Variants in PRRT3 observed in about 807,000 individuals in gnomAD.
PRRT3 encodes the protein proline rich transmembrane protein 3.
PRRT3 carries 48 observed loss-of-function variants against 56.6 expected under a neutral mutation model. The ratio of observed to expected loss-of-function variants is 0.85; its 90% confidence interval spans 0.67 to 1.08. PRRT3 has a LOEUF of 1.08. Ranked by LOEUF, PRRT3 falls within the 50% of genes least tolerant of loss-of-function variation. The pLI is 0.00. For synonymous variants in PRRT3, 641 were observed against 619.1 expected (o/e 1.04, Z -0.52); for missense variants, 1,370 against 1,353.1 (o/e 1.01, Z -0.20).
At position 9,946,678 on chromosome 3, in the gene PRRT3, T is replaced by C; in HGVS notation, c.2495A>G (p.Gln832Arg). 4 of 1,426,052 alleles carry C rather than the reference T, an allele frequency of 2.8e-6. No homozygotes were observed. The highest frequency in any genetic ancestry group is 1.5e-5 in the South Asian group (1 of 66,372). The allele number at this position is 1,426,052 out of a possible 1,614,324, so 88.3% of individuals were successfully genotyped here. ...REHLVRDSVF[Q>R]RCGLRGLASP... ...GGCCAGGCCGCGGAGGCCGCAGCGCTGGAACACACTGTCTCGCACTAGGTG... is the reference window on the plus strand; with the variant it reads ...GGCCAGGCCGCGGAGGCCGCAGCGCCGGAACACACTGTCTCGCACTAGGTG... Residue 832 changes from glutamine to arginine, a missense_variant, in exon 4 of 4, where the codon CAG (glutamine) becomes CGG (arginine). Transcript: ENST00000412055. This position sits in a 1 kb window ranked among gnomAD's most constrained non-coding sequence, Gnocchi z 4.1.
In PRRT3 at chr3:9,947,833, G is replaced by T; in HGVS notation, c.1340C>A (p.Ser447Tyr). ...TASSMASAPA[S>Y]SPPANATAPP... ...TGCAGTGGCGTTGGCTGGGGGGCTG[G>T]AGGCTGGGGCTGAAGCCATGGAGCT... The change falls in exon 4 of 4, where the codon TCC becomes TAC. Residue 447 changes from serine (S) to tyrosine (Y), a missense_variant. Physicochemically the swap from Ser to Tyr is moderately radical, Grantham distance 144 (BLOSUM62 -2). Coordinates refer to ENST00000412055, the MANE Select transcript of PRRT3 (RefSeq NM_207351.5). The surrounding 1 kb of genome is among the most constrained non-coding windows in gnomAD (Gnocchi z 9.2). The T allele has an allele frequency of 2.1e-6, 3 of 1,439,414 alleles. No homozygotes were observed. The highest frequency in any genetic ancestry group is 2.7e-6 in the Non-Finnish European group (3 of 1,095,890). The allele number at this position is 1,439,414 out of a possible 1,614,324, so 89.2% of individuals were successfully genotyped here.
In PRRT3 at chr3:9,947,547, G is replaced by C. The variant is rs764963753; in HGVS notation, c.1626C>G (p.Asn542Lys). 2 of 1,610,916 alleles carry C rather than the reference G, an allele frequency of 1.2e-6. No homozygotes were observed. The highest frequency in any genetic ancestry group is 1.7e-6 in the Non-Finnish European group (2 of 1,179,148). The change falls in exon 4 of 4, where the codon AAC becomes AAG. Residue 542 changes from asparagine to lysine, a missense_variant. By Grantham distance (94) the Asn-to-Lys change is moderately conservative. Transcript: ENST00000412055. This position sits in a 1 kb window ranked among gnomAD's most constrained non-coding sequence, Gnocchi z 9.2. The stretch of plus-strand genomic sequence containing the variant: ...CCGTAAGCAGCAAGGGGAAGGGCAG[G>C]TTGTAGAGCACCAGGCCCCCGCGAA... ...LGVRGGLVLY[N>K]LPFPLLLTAL... is the part of the protein sequence containing the mutation.
intron 1 of PRRT3, among the ~76,000 whole-genome samples, chr3:9,951,243 C>T (rs998809487): frequency 2.0e-5 from 3 of 152,168 alleles, no homozygotes; most frequent in African/African-American, 4.8e-5. Context: ...CAGGAAGGGG[C>T]CCCACCACCA....
In PRRT3 at chr3:9,946,722, G is replaced by A; in HGVS notation, c.2451C>T (p.Asp817=). The A allele has an allele frequency of 1.3e-6, 2 of 1,492,660 alleles. No individual in the cohort carries two copies. Among genetic ancestry groups the A allele is most frequent in the South Asian group, 1.3e-5 (1 of 74,332 alleles). The allele number at this position is 1,492,660 out of a possible 1,614,324, so 92.5% of individuals were successfully genotyped here. Residue 817 remains aspartate (D), a synonymous_variant, in exon 4 of 4, where the codon GAC becomes GAT. Coordinates refer to ENST00000412055, the MANE Select transcript of PRRT3 (RefSeq NM_207351.5). This position sits in a 1 kb window ranked among gnomAD's most constrained non-coding sequence, Gnocchi z 4.1. The part of the protein sequence containing the change: ...PSPINLSRSI[D]AALFREHLVR... ...CTAGGTGCTCGCGGAAGAGCGCGGCGTCGATGCTGCGGCTCAGGTTGATGG... is the reference window on the plus strand; with the variant it reads ...CTAGGTGCTCGCGGAAGAGCGCGGCATCGATGCTGCGGCTCAGGTTGATGG...
rs774903851 is a variant in PRRT3, at chr3:9,947,532, C to A, written c.1641G>T (p.Leu547Phe). 6.8e-6 allele frequency: 11 copies of A among 1,611,464 alleles called. No homozygotes were observed. Among genetic ancestry groups the A allele is most frequent in the Admixed American group, 6.7e-5 (4 of 59,934 alleles). ...TCAGGGCTGCCAGCGCCGTAAGCAG[C>A]AAGGGGAAGGGCAGGTTGTAGAGCA... ...GLVLYNLPFP[L>F]LLTALAALTL... The change falls in exon 4 of 4, where the codon TTG becomes TTT. Residue 547 changes from leucine (L) to phenylalanine (F), a missense_variant. Transcript: ENST00000412055. This position sits in a 1 kb window ranked among gnomAD's most constrained non-coding sequence, Gnocchi z 9.2.
chr3:9,951,658 G>A (rs1044389520), intron 1 of PRRT3, among the ~76,000 whole-genome samples: 2 of 152,334 alleles, frequency 1.3e-5, no homozygotes. Context: ...CCCTAACACA[G>A]GTACTGGCTA....
Position 9,946,763 on chromosome 3 carries a change from G to A in PRRT3, c.2410C>T (p.Leu804=). 6.5e-7 allele frequency: 1 copy of A among 1,541,120 alleles called. No individual in the cohort carries two copies. Among genetic ancestry groups the A allele is most frequent in the Non-Finnish European group, 8.7e-7 (1 of 1,152,554 alleles). ...AGGTTGATGGGCGATGGCGGCCGCA[G>A]ATCCAGCTCGCTCAGCGATGGCGCC... is the stretch of plus-strand genomic sequence containing the variant. ...GPAPSLSELD[L]RPPSPINLSR... The change falls in exon 4 of 4, where the codon CTG becomes TTG. Residue 804 remains leucine, a synonymous_variant. Transcript: ENST00000412055. The surrounding 1 kb of genome is among the most constrained non-coding windows in gnomAD (Gnocchi z 4.1).
chr3:9,948,527 A>G, intron 3 of PRRT3: 1 of 560,778 alleles, frequency 1.8e-6, no homozygotes. Context: ...AAACATATCC[A>G]TGTTACATAT....
Position 9,947,737 on chromosome 3 carries a change from C to G in PRRT3, c.1436G>C (p.Gly479Ala), listed in dbSNP as rs779466591. 2 of 1,546,152 alleles carry G rather than the reference C, an allele frequency of 1.3e-6. No homozygotes were observed. The highest frequency in any genetic ancestry group is 1.2e-5 in the South Asian group (1 of 80,806). ...CAACGCGGGCAGCAGAAAGAGTACCCCCACCCCGTAGACGTGCAGCTCCCA... is the reference window on the plus strand; with the variant it reads ...CAACGCGGGCAGCAGAAAGAGTACCGCCACCCCGTAGACGTGCAGCTCCCA... ...FSWELHVYGV[G>A]VLFLLPALLA... Residue 479 changes from glycine to alanine, a missense_variant, in exon 4 of 4, where the codon GGG becomes GCG. Gly to Ala is a moderately conservative substitution (Grantham distance 60). Transcript: ENST00000412055. The surrounding 1 kb of genome is among the most constrained non-coding windows in gnomAD (Gnocchi z 9.2).
chr3:9,949,796 C>T lies in PRRT3; in HGVS notation c.320G>A (p.Arg107Lys), dbSNP rs1372900153. 4 of 1,614,196 alleles carry T rather than the reference C, an allele frequency of 2.5e-6. No homozygotes were observed. In the Admixed American group the frequency reaches 6.7e-5, roughly 27 times the overall value. The change falls in exon 2 of 4, where the codon AGA becomes AAA. Residue 107 changes from arginine to lysine, a missense_variant. Arg to Lys is a conservative substitution (Grantham distance 26, BLOSUM62 2). Transcript: ENST00000412055. This position sits in a 1 kb window ranked among gnomAD's most constrained non-coding sequence, Gnocchi z 4.5. ...YGPKAAQGAQ[R>K]ERLPVTDDLQ... ...GTCATCAGTTACTGGGAGTCGTTCT[C>T]TCTGAGCTCCTTGTGCTGCTTTGGG...
chr3:9,946,450 G>A lies in PRRT3; in HGVS notation c.2723C>T (p.Ser908Phe), dbSNP rs780495742. 1 of 1,581,466 alleles carries A rather than the reference G, an allele frequency of 6.3e-7. No homozygotes were observed. Among genetic ancestry groups the A allele is most frequent in the Non-Finnish European group, 8.6e-7 (1 of 1,164,178 alleles). The change falls in exon 4 of 4, where the codon TCC becomes TTC. Residue 908 changes from serine (S) to phenylalanine (F), a missense_variant. By Grantham distance (155) the Ser-to-Phe change is radical. Transcript: ENST00000412055. The surrounding 1 kb of genome is among the most constrained non-coding windows in gnomAD (Gnocchi z 4.1). The stretch of plus-strand genomic sequence containing the variant: ...CCAACTGATCTTGAGTGAACCCCTG[G>A]AGAAGCTGTCGAGGGAGCTGCCAGA... The part of the protein sequence containing the change: ...AASGSSLDSF[S>F]RGSLKISWNP...
intron 1 of PRRT3, among the ~76,000 whole-genome samples, 179 bp downstream of exon 1, chr3:9,952,143 T>TCTCCTCCTCCTC (rs562516938): frequency 5.5e-4 from 83 of 151,144 alleles, no homozygotes; most frequent in African/African-American, 1.9e-3. Context: ...TCGGGTTACC[T>TCTCCTCCTCCTC]CTCCTCCTCC....
chr3:9,948,166 G>A (rs759979756), intron 3 of PRRT3, 165 bp from the exon 4 acceptor site: 11 of 657,204 alleles, frequency 1.7e-5, no homozygotes, highest in South Asian at 1.5e-4. Context: ...TGTTTAGCCC[G>A]GTGCCCAACA....
At chr3:9,948,965 A>C in intron 2 of PRRT3, 52 bp from the exon 3 acceptor site, 1 of 1,526,900 alleles carries the variant, frequency 6.5e-7, no homozygotes, top group Non-Finnish European at 8.8e-7. Flanking sequence ...TGGTCCTCCT[A>C]ATCCCTCAGG....
Position 9,947,008 on chromosome 3 carries a change from G to T in PRRT3, c.2165C>A (p.Ala722Glu). ...WAKLMRLACP[A>E]PSGKSEVPER... The stretch of plus-strand genomic sequence containing the variant: ...CGGCACCTCGCTCTTTCCTGACGGC[G>T]CCGGGCACGCCAGACGCATCAGCTT... The change falls in exon 4 of 4, where the codon GCG becomes GAG. Residue 722 changes from alanine to glutamate, a missense_variant. Ala to Glu is a moderately radical substitution (Grantham distance 107, BLOSUM62 -1). Coordinates refer to ENST00000412055, the MANE Select transcript of PRRT3 (RefSeq NM_207351.5). The surrounding 1 kb of genome is among the most constrained non-coding windows in gnomAD (Gnocchi z 9.2). The T allele has an allele frequency of 6.5e-7, 1 of 1,541,440 alleles. No homozygotes were observed. The highest frequency in any genetic ancestry group is 8.7e-7 in the Non-Finnish European group (1 of 1,148,444).
chr3:9,952,041 G>A (rs1362483662), intron 1 of PRRT3, among the ~76,000 whole-genome samples: 2 of 152,230 alleles, frequency 1.3e-5, no homozygotes, highest in Non-Finnish European at 2.9e-5. Context: ...AGGCTGTGGG[G>A]GGTGGCGGAT....
At chr3:9,948,074 G>C in intron 3 of PRRT3, 73 bp from the exon 4 acceptor site, 1 of 1,261,616 alleles carries the variant, frequency 7.9e-7, no homozygotes, top group Non-Finnish European at 1.0e-6. Flanking sequence ...TAGTGTGGTT[G>C]GCAAGTCATT....
chr3:9,946,741 T>A lies in PRRT3; in HGVS notation c.2432A>T (p.Asn811Ile). The A allele has an allele frequency of 6.6e-7, 1 of 1,525,282 alleles. No homozygotes were observed. Among genetic ancestry groups the A allele is most frequent in the African/African-American group, 1.4e-5 (1 of 72,732 alleles). 94.5% of individuals were successfully genotyped at this position (1,525,282 alleles called of 1,614,324 possible). A position where few individuals can be genotyped will look rare whatever the true frequency, so the allele number is the denominator to read the frequency against. Residue 811 changes from asparagine (N) to isoleucine (I), a missense_variant, in exon 4 of 4, where the codon AAC becomes ATC. By Grantham distance (149) the Asn-to-Ile change is moderately radical (BLOSUM62 -3). Transcript: ENST00000412055. The surrounding 1 kb of genome is among the most constrained non-coding windows in gnomAD (Gnocchi z 4.1). ...CGCGGCGTCGATGCTGCGGCTCAGG[T>A]TGATGGGCGATGGCGGCCGCAGATC... The part of the protein sequence containing the change: ...ELDLRPPSPI[N>I]LSRSIDAALF...
At position 9,946,927 on chromosome 3, in the gene PRRT3, T is replaced by C; in HGVS notation, c.2246A>G (p.Asp749Gly). 1.3e-6 allele frequency: 2 copies of C among 1,540,708 alleles called. No individual in the cohort carries two copies. Among genetic ancestry groups the C allele is most frequent in the African/African-American group, 1.4e-5 (1 of 73,492 alleles). The change falls in exon 4 of 4, where the codon GAC becomes GGC. Residue 749 changes from aspartate to glycine, a missense_variant. Asp to Gly is a moderately conservative substitution (Grantham distance 94). Coordinates refer to ENST00000412055, the MANE Select transcript of PRRT3 (RefSeq NM_207351.5). The surrounding 1 kb of genome is among the most constrained non-coding windows in gnomAD (Gnocchi z 4.1). Reference protein sequence around the residue: ...GPSNVGAGSLDISKSLIRNPA... With the variant: ...GPSNVGAGSLGISKSLIRNPA... Reference sequence around the variant, plus strand: ...GTTGCGGATGAGGCTCTTGCTGATGTCCAAGCTGCCTGCACCAACGTTGCT... The same window carrying C: ...GTTGCGGATGAGGCTCTTGCTGATGCCCAAGCTGCCTGCACCAACGTTGCT...
Sources: allele counts gnomAD v4.1 joint callset (sites outside exome capture counted in the v4.1 genomes callset), GRCh38; gene constraint gnomAD v4.1.1; non-coding constraint Gnocchi (gnomAD v3.1); transcripts MANE v1.5; gene names NCBI Gene and HGNC (gene_info 2026-07-23, HGNC 2026-07-21).